The following TBC1D8 variants were observed in gnomAD, a reference collection of about 807,000 sequenced individuals.
TBC1D8 encodes TBC1 domain family member 8.
Under a neutral mutation model 118.8 loss-of-function variants are expected in TBC1D8, and 65 were observed. The observed-to-expected ratio is 0.55, with a 90% confidence interval of 0.45 to 0.67. The LOEUF is 0.67. Among genes scored for constraint, TBC1D8 ranks in the 30% least tolerant of loss-of-function variants. The pLI, the probability that TBC1D8 is intolerant of heterozygous loss-of-function variation, is 0.00. For missense variants in TBC1D8, 1,376 were observed against 1,471.2 expected (o/e 0.94, Z 1.06); for synonymous variants, 566 against 595.8 (o/e 0.95, Z 0.73).
chr2:101,106,680 T>G (rs1453223158), intron 1 of TBC1D8, among the ~76,000 whole-genome samples: 1 of 152,212 alleles, frequency 6.6e-6, no homozygotes, highest in African/African-American at 2.4e-5. Context: ...ACACATTCGG[T>G]AGAAACCATC....
intron 9 of TBC1D8, among the ~76,000 whole-genome samples, chr2:101,035,019 G>C (rs1016607798): frequency 4.6e-5 from 7 of 151,938 alleles, no homozygotes; most frequent in African/African-American, 1.7e-4. Flanking sequence ...GTTGGGGGCT[G>C]GGGGGGAGAC....
chr2:101,012,769 T>C (rs1679325282), intron 17 of TBC1D8, among the ~76,000 whole-genome samples: 1 of 152,230 alleles, frequency 6.6e-6, no homozygotes, highest in African/African-American at 2.4e-5. Context: ...GTTTGGAACT[T>C]ATTCGTAAAC....
intron 1 of TBC1D8, among the ~76,000 whole-genome samples, chr2:101,114,562 T>C (rs1008959612): frequency 2.6e-5 from 4 of 152,230 alleles, no homozygotes; most frequent in African/African-American, 9.6e-5. Flanking sequence ...GCCTGCCATA[T>C]GTCCTTCAGT....
At chr2:101,059,159 G>A (rs1682613177) in intron 3 of TBC1D8, among the ~76,000 whole-genome samples, 5 of 150,716 alleles carry the variant, frequency 3.3e-5, no homozygotes, top group South Asian at 2.1e-4. Context: ...TGCCTGCCTC[G>A]GCCTCCCAAA....
intron 1 of TBC1D8, among the ~76,000 whole-genome samples, chr2:101,105,592 T>TAAAAA (rs55649821): frequency 8.8e-5 from 11 of 124,686 alleles, no homozygotes; most frequent in South Asian, 2.5e-4. Flanking sequence ...TGTCTCAAAT[T>TAAAAA]AAAAAAAAAA....
Position 101,054,116 on chromosome 2 carries a change from C to A in TBC1D8, c.623G>T (p.Gly208Val). 6.2e-7 allele frequency: 1 copy of A among 1,610,784 alleles called. No homozygotes were observed. Among genetic ancestry groups the A allele is most frequent in the Non-Finnish European group, 8.5e-7 (1 of 1,178,520 alleles). Reference protein sequence around the residue: ...NHLCFYSFFLGKELKLVVPWV... With the variant: ...NHLCFYSFFLVKELKLVVPWV... ...TGCCAGGCCTCACTTACGTTCCTTG[C>A]CCAGGAAGAAGGAGTAGAAGCAGAG... Residue 208 changes from glycine to valine, a missense_variant, in exon 4 of 20, where the codon GGC becomes GTC. Gly to Val is a moderately radical substitution (Grantham distance 109, BLOSUM62 -3). Coordinates refer to ENST00000409318, the MANE Select transcript of TBC1D8 (RefSeq NM_001330348.2).
chr2:101,140,914 A>G (rs984640068), intron 1 of TBC1D8, among the ~76,000 whole-genome samples: 1 of 152,038 alleles, frequency 6.6e-6, no homozygotes, highest in African/African-American at 2.4e-5. Flanking sequence ...GGGATGCGCC[A>G]CCATGCCTGG....
At chr2:101,090,168 C>T in intron 2 of TBC1D8, 41 bp downstream of exon 2, 1 of 1,582,256 alleles carries the variant, frequency 6.3e-7, no homozygotes, top group Non-Finnish European at 8.6e-7. Flanking sequence ...AGCATGCTTA[C>T]ACCTTAAGGT....
chr2:101,129,768 G>T (rs1454240872), intron 1 of TBC1D8, among the ~76,000 whole-genome samples: 2 of 151,972 alleles, frequency 1.3e-5, no homozygotes, highest in Non-Finnish European at 2.9e-5. Context: ...AGCTGGGCGT[G>T]GCAGCAGGCG....
intron 7 of TBC1D8, among the ~76,000 whole-genome samples, chr2:101,038,171 GCTC>G (rs1681147334): frequency 6.6e-6 from 1 of 152,174 alleles, no homozygotes; most frequent in Non-Finnish European, 1.5e-5. Context: ...GGCCGACAAA[GCTC>G]CTCTTTTAGC....
At chr2:101,144,662 C>A (rs939447076) in intron 1 of TBC1D8, among the ~76,000 whole-genome samples, 2 of 152,166 alleles carry the variant, frequency 1.3e-5, no homozygotes, top group Admixed American at 6.5e-5. Flanking sequence ...CTTGGCCGGG[C>A]GCGGTGGCTC....
chr2:101,011,358 G>C, intron 18 of TBC1D8, 93 bp downstream of exon 18: 4 of 1,237,932 alleles, frequency 3.2e-6, no homozygotes, highest in Admixed American at 3.5e-5. Context: ...GAAAAGACAA[G>C]GCTGCTACAA....
chr2:101,050,645 T>C lies in TBC1D8; in HGVS notation c.632-4A>G, dbSNP rs992362926. On this transcript the variant is annotated splice_polypyrimidine_tract_variant and splice_region_variant and intron_variant, in intron 4 of 19. Transcript: ENST00000409318. ...ACCCACGGAACCACAAGTTTAACTG[T>C]AAGAGAAAAGGGTGAAATACCTATT... 6.2e-7 allele frequency: 1 copy of C among 1,612,578 alleles called. No homozygotes were observed. The highest frequency in any genetic ancestry group is 1.1e-5 in the South Asian group (1 of 91,068).
chr2:101,062,372 A>G (rs528501115), intron 2 of TBC1D8, among the ~76,000 whole-genome samples: 1 of 152,268 alleles, frequency 6.6e-6, no homozygotes, highest in East Asian at 1.9e-4. Context: ...ATCTTTTGCT[A>G]TTTGTTTTCA....
At position 101,054,145 on chromosome 2, in the gene TBC1D8, G is replaced by A. The variant is rs1682236616; in HGVS notation, c.594C>T (p.Asn198=). The change falls in exon 4 of 20, where the codon AAC becomes AAT. Residue 198 remains asparagine, a synonymous_variant. Coordinates refer to ENST00000409318, the MANE Select transcript of TBC1D8 (RefSeq NM_001330348.2). ...GGAAGAAGGAGTAGAAGCAGAGGTG[G>A]TTGATGCTGAGGTACAGCCAGCCCT... The part of the protein sequence containing the change: ...PRQGWLYLSI[N]HLCFYSFFLG... The A allele has an allele frequency of 9.9e-6, 16 of 1,613,412 alleles. No homozygotes were observed. The highest frequency in any genetic ancestry group is 1.4e-5 in the Non-Finnish European group (16 of 1,179,746).
At chr2:101,130,089 C>G (rs1467661486) in intron 1 of TBC1D8, among the ~76,000 whole-genome samples, 1 of 152,130 alleles carries the variant, frequency 6.6e-6, no homozygotes, top group African/African-American at 2.4e-5. Context: ...CCCTCAGAGC[C>G]ACAATGACCA....
At chr2:101,022,778 T>G (rs1001849767) in intron 15 of TBC1D8, among the ~76,000 whole-genome samples, 3 of 152,230 alleles carry the variant, frequency 2.0e-5, no homozygotes, top group Admixed American at 2.0e-4. Flanking sequence ...TATTTTTAAA[T>G]GTACAGTTCA....
rs189567747 is a variant in TBC1D8, at chr2:101,138,530, C to A, written c.127+12597G>T. Among the ~76,000 whole-genome samples, 489 of 152,306 alleles carry A rather than the reference C, an allele frequency of 3.2e-3. 4 individuals are homozygous for A. The highest frequency in any genetic ancestry group is 0.011 in the African/African-American group (467 of 41,556). On this transcript the variant is annotated intron_variant, in intron 1 of 19. Coordinates refer to ENST00000409318, the MANE Select transcript of TBC1D8 (RefSeq NM_001330348.2). The stretch of plus-strand genomic sequence containing the variant: ...AGCCCAAGGCTGTCACCTGCACTTC[C>A]GACCAACCAGCTACAAGTCAGGGGT...
chr2:101,059,314 C>A, intron 3 of TBC1D8, 107 bp downstream of exon 3: 1 of 833,426 alleles, frequency 1.2e-6, no homozygotes, highest in Non-Finnish European at 1.9e-6. Context: ...CGTATTGAGC[C>A]AAAAGTTCAG....
Sources: allele counts gnomAD v4.1 joint callset (sites outside exome capture counted in the v4.1 genomes callset), GRCh38; gene constraint gnomAD v4.1.1; transcripts MANE v1.5; gene names NCBI Gene and HGNC (gene_info 2026-07-23, HGNC 2026-07-21).